The following SLC25A16 variants were observed in gnomAD, a reference collection of about 807,000 sequenced individuals.
SLC25A16 encodes solute carrier family 25 member 16.
Under a neutral mutation model 41.5 loss-of-function variants are expected in SLC25A16, and 39 were observed. That is an observed-to-expected ratio of 0.94 (90% CI 0.73 to 1.23). The LOEUF is 1.23. Among genes scored for constraint, SLC25A16 ranks in the 50% most tolerant of loss-of-function variants. The pLI is 0.00. For synonymous variants in SLC25A16, 146 were observed against 147.8 expected (o/e 0.99, Z 0.09); for missense variants, 421 against 426.9 (o/e 0.99, Z 0.12).
intron 1 of SLC25A16, among the ~76,000 whole-genome samples, chr10:68,526,264 GACCTGCGGGCAGCAAT>G (rs951486985): frequency 2.0e-5 from 3 of 151,906 alleles, no homozygotes; most frequent in African/African-American, 7.3e-5. Context: ...CTGGAGGTGG[GACCTGCGGGCAGCAAT>G]ACTGCTTTGT....
chr10:68,493,007 T>G (rs900029106), intron 6 of SLC25A16, 125 bp downstream of exon 6: 1 of 654,916 alleles, frequency 1.5e-6, no homozygotes. Flanking sequence ...TGACCATCCA[T>G]AAATCATTTC....
At chr10:68,505,473 T>G (rs769826633) in intron 3 of SLC25A16, among the ~76,000 whole-genome samples, 5 of 152,072 alleles carry the variant, frequency 3.3e-5, no homozygotes, top group Non-Finnish European at 5.9e-5. Flanking sequence ...TCATTAGGAG[T>G]GAACATAAAG....
chr10:68,520,812 C>CA (rs563100705), intron 1 of SLC25A16, among the ~76,000 whole-genome samples: 23,236 of 79,488 alleles, frequency 0.29, 2,416 homozygotes, highest in Middle Eastern at 0.4. Flanking sequence ...AACTCTGTCT[C>CA]AAAAAAAAAA....
At chr10:68,492,118 C>T (rs1221382136) in intron 6 of SLC25A16, among the ~76,000 whole-genome samples, 3 of 152,192 alleles carry the variant, frequency 2.0e-5, no homozygotes, top group Non-Finnish European at 4.4e-5. Context: ...CCACACCCGG[C>T]TCCTTTTGCT....
intron 6 of SLC25A16, among the ~76,000 whole-genome samples, chr10:68,491,793 C>G (rs200802594): frequency 9.3e-6 from 1 of 107,386 alleles, no homozygotes; most frequent in Non-Finnish European, 2.0e-5. Context: ...GTAAACTTCT[C>G]TCTGTTTGCT....
intron 8 of SLC25A16, among the ~76,000 whole-genome samples, chr10:68,485,444 GCA>G (rs2133482855): frequency 2.6e-5 from 4 of 152,140 alleles, no homozygotes; most frequent in South Asian, 4.2e-4. Flanking sequence ...GAGTGCAGTG[GCA>G]TGATCTTGGC....
In SLC25A16 at chr10:68,494,463, A is replaced by T. The variant is rs571695882; in HGVS notation, c.422-893T>A. On this transcript the variant is annotated intron_variant, in intron 4 of 8. Coordinates refer to ENST00000609923, the MANE Select transcript of SLC25A16 (RefSeq NM_152707.4). ...GCAACAGAGTGAGATTCCAGGAAAG[A>T]AAAGAAAAGGAGGGGAGGGGAGGGA... is the stretch of plus-strand genomic sequence containing the variant. 1.1e-3 allele frequency among the ~76,000 whole-genome samples: 153 copies of T among 139,086 alleles called. 2 individuals are homozygous for T. The highest frequency in any genetic ancestry group is 5.8e-3 in the South Asian group (24 of 4,104). 91.2% of individuals were successfully genotyped at this position (139,086 alleles called of 152,430 possible).
chr10:68,518,504 C>T (rs1162903053), intron 1 of SLC25A16, among the ~76,000 whole-genome samples: 2 of 150,992 alleles, frequency 1.3e-5, no homozygotes, highest in African/African-American at 4.9e-5. Flanking sequence ...GGCTGGGAGC[C>T]GTGGCTCATG....
intron 4 of SLC25A16, among the ~76,000 whole-genome samples, chr10:68,494,385 C>CCT (rs546478607): frequency 7.0e-6 from 1 of 142,216 alleles, no homozygotes. Flanking sequence ...TCACTTGAAC[C>CCT]CAGGAGGCGG....
chr10:68,515,570 G>A (rs1160880008), intron 2 of SLC25A16, among the ~76,000 whole-genome samples: 4 of 151,714 alleles, frequency 2.6e-5, no homozygotes, highest in South Asian at 4.2e-4. Context: ...AGGCCGAGGC[G>A]GGCGGGTCAC....
Position 68,506,546 on chromosome 10 carries a change from T to C in SLC25A16, c.357+39A>G, listed in dbSNP as rs370087851. On this transcript the variant is annotated intron_variant, in intron 3 of 8. Transcript: ENST00000609923. ...AATGCCTGGTCAAGCATGCATGATA[T>C]TCAAGAACGCAAAAGAGAAAAGATC... 1.1e-5 allele frequency: 16 copies of C among 1,465,306 alleles called. No homozygotes were observed. In the African/African-American group the frequency reaches 2.2e-4, roughly 20 times the overall value. 90.8% of individuals were successfully genotyped at this position (1,465,306 alleles called of 1,614,324 possible). A position where few individuals can be genotyped will look rare whatever the true frequency, so the allele number is the denominator to read the frequency against.
In SLC25A16 at chr10:68,527,436, T is replaced by C. The variant is rs1001966680; in HGVS notation, c.-61A>G. The C allele has an allele frequency of 5.5e-5, 77 of 1,398,140 alleles. No homozygotes were observed. The highest frequency in any genetic ancestry group is 6.7e-5 in the Non-Finnish European group (72 of 1,082,224). 86.6% of individuals were successfully genotyped at this position (1,398,140 alleles called of 1,614,324 possible). A position where few individuals can be genotyped will look rare whatever the true frequency, so the allele number is the denominator to read the frequency against. ...ACTTACAGAACACCGGACGGGACCA[T>C]AGCCGGAACAGGCGGTGACAGGAGG... On this transcript the variant is annotated 5_prime_UTR_variant, in exon 1 of 9. The change abolishes an upstream ATG in the 5' untranslated region. Transcript: ENST00000609923.
At chr10:68,505,351 GAAAGA>G (rs1192392088) in intron 3 of SLC25A16, among the ~76,000 whole-genome samples, 28 of 150,110 alleles carry the variant, frequency 1.9e-4, no homozygotes, top group East Asian at 9.9e-4. Context: ...TCTCAAAAAA[GAAAGA>G]AAAGAAAAGA....
intron 3 of SLC25A16, among the ~76,000 whole-genome samples, chr10:68,505,189 G>C (rs369430123): frequency 6.6e-6 from 1 of 151,932 alleles, no homozygotes; most frequent in African/African-American, 2.4e-5. Context: ...GAAAAAGAAA[G>C]AAAAAACAAA....
In SLC25A16 at chr10:68,519,923, AAG is replaced by A. The variant is rs918499819; in HGVS notation, c.131-3082_131-3081del. On this transcript the variant is annotated intron_variant, in intron 1 of 8. Coordinates refer to ENST00000609923, the MANE Select transcript of SLC25A16 (RefSeq NM_152707.4). ...AGAACGAAACTCCGTCTCAAAAAAAAAGAGAGAAATTGTTTAGAATGTATTCA... is the reference window on the plus strand; with the variant it reads ...AGAACGAAACTCCGTCTCAAAAAAAAAGAGAAATTGTTTAGAATGTATTCA... Among the ~76,000 whole-genome samples the A allele has an allele frequency of 2.0e-5, 3 of 152,124 alleles. No homozygotes were observed. In the East Asian group the frequency reaches 5.8e-4, roughly 29 times the overall value.
intron 1 of SLC25A16, chr10:68,517,624 G>A (rs2133589498): frequency 6.6e-6 from 1 of 152,110 alleles, no homozygotes; most frequent in East Asian, 1.9e-4. Context: ...TTGAGACTAG[G>A]AGTTTGAGAC....
intron 6 of SLC25A16, among the ~76,000 whole-genome samples, chr10:68,490,609 T>G (rs369407033): frequency 1.3e-5 from 2 of 151,792 alleles, no homozygotes; most frequent in East Asian, 3.9e-4. Flanking sequence ...CCCAAACTGC[T>G]GGGATTACAG....
At chr10:68,495,601 C>T (rs968813956) in intron 4 of SLC25A16, among the ~76,000 whole-genome samples, 1 of 151,480 alleles carries the variant, frequency 6.6e-6, no homozygotes, top group African/African-American at 2.4e-5. Flanking sequence ...CTGGGCAACA[C>T]AGTGAAACCC....
chr10:68,503,914 T>C lies in SLC25A16; in HGVS notation c.358-219A>G, dbSNP rs114976906. 8.2e-3 allele frequency among the ~76,000 whole-genome samples: 1,252 copies of C among 152,234 alleles called. 20 individuals are homozygous for C. Among genetic ancestry groups the C allele is most frequent in the African/African-American group, 0.028 (1,165 of 41,552 alleles). ...AGTCTCTGCTTTAATTTTTTGCATTTCTGCAGAAGCAAGCTAGCTTAGTAT... is the reference window on the plus strand; with the variant it reads ...AGTCTCTGCTTTAATTTTTTGCATTCCTGCAGAAGCAAGCTAGCTTAGTAT... On this transcript the variant is annotated intron_variant, in intron 3 of 8. Coordinates refer to ENST00000609923, the MANE Select transcript of SLC25A16 (RefSeq NM_152707.4).
Sources: gnomAD v4.1 joint callset for allele counts (sites outside exome capture counted in the v4.1 genomes callset) on GRCh38, gnomAD v4.1.1 for gene constraint, MANE v1.5 for transcripts, NCBI Gene and HGNC (gene_info 2026-07-23, HGNC 2026-07-21) for gene names.